LMF1: variants seen among roughly 807,000 people sequenced by gnomAD.
LMF1 encodes transmembrane protein 112.
In LMF1, 68 loss-of-function variants were observed where a neutral mutation model predicts 60.6. The observed-to-expected ratio is 1.12, with a 90% confidence interval of 0.92 to 1.37. The LOEUF (loss-of-function observed/expected upper bound fraction) is 1.37, where lower values mean the gene tolerates loss of function less well. Among genes scored for constraint, LMF1 ranks in the 40% most tolerant of loss-of-function variants. The pLI, the probability that LMF1 is intolerant of heterozygous loss-of-function variation, is 0.00. For synonymous variants in LMF1, 418 were observed against 324.7 expected, an observed-to-expected ratio of 1.29 and a Z score of -3.09; for missense variants, 948 against 767.2, an observed-to-expected ratio of 1.24 and a Z score of -2.78.
upstream of LMF1, among the ~76,000 whole-genome samples, chr16:975,010 C>G (rs551661122): frequency 1.3e-5 from 2 of 151,720 alleles, no homozygotes; most frequent in Non-Finnish European, 1.5e-5. Flanking sequence ...GACTGTCCAG[C>G]GGCCAACCCC....
At chr16:964,061 G>A (rs908747999) in intron 1 of LMF1, 2 of 455,374 alleles carry the variant, frequency 4.4e-6, no homozygotes, top group African/African-American at 4.0e-5. Context: ...GAGCTGCAAC[G>A]AGGAAATACC....
intron 2 of LMF1, chr16:947,495 C>T (rs1192052878): frequency 6.6e-6 from 3 of 456,096 alleles, no homozygotes; most frequent in South Asian, 4.6e-5. Flanking sequence ...CCCAGCGTCC[C>T]CTCCAGCCCT....
At chr16:964,919 A>G (rs1371289778) in intron 1 of LMF1, among the ~76,000 whole-genome samples, 2 of 152,202 alleles carry the variant, frequency 1.3e-5, no homozygotes, top group East Asian at 1.9e-4. Context: ...GAAAAGAAGG[A>G]AGGGCGGTGA....
At position 893,403 on chromosome 16, in the gene LMF1, C is replaced by G. The variant is rs1224673971; in HGVS notation, c.664-331G>C. On this transcript the variant is annotated intron_variant, in intron 4 of 10. Transcript: ENST00000262301. ...CGTGTCTTTAAAGAGGACAAATGCA[C>G]CACGCCCTGCACAGACCCCACGGAC... The G allele has an allele frequency of 1.7e-5, 8 of 476,668 alleles. No homozygotes were observed. The Admixed American group carries it at 1.9e-4, about 11-fold the overall frequency. 29.5% of individuals were successfully genotyped at this position (476,668 alleles called of 1,614,324 possible).
At chr16:926,125 T>C (rs2071590577) in intron 3 of LMF1, among the ~76,000 whole-genome samples, 2 of 151,988 alleles carry the variant, frequency 1.3e-5, no homozygotes, top group Non-Finnish European at 2.9e-5. Context: ...TCTGAATATG[T>C]CTGTGTGTGC....
intron 2 of LMF1, among the ~76,000 whole-genome samples, chr16:951,653 C>G (rs994143061): frequency 1.3e-5 from 2 of 152,222 alleles, no homozygotes; most frequent in African/African-American, 4.8e-5. Flanking sequence ...GTCCACGCTG[C>G]GACAAACCAC....
At position 861,719 on chromosome 16, in the gene LMF1, G is replaced by A. The variant is rs144424884; in HGVS notation, c.1530-7013C>T. ...TGGGATTTCCTACAAAGACAACGGC[G>A]TCATCTGTAAACAGGCAGTTTCGTT... is the stretch of plus-strand genomic sequence containing the variant. On this transcript the variant is annotated intron_variant, in intron 10 of 10. Transcript: ENST00000262301. 5.0e-3 allele frequency among the ~76,000 whole-genome samples: 754 copies of A among 152,288 alleles called. 4 individuals carry two copies. Among genetic ancestry groups the A allele is most frequent in the Non-Finnish European group, 8.9e-3 (606 of 68,018 alleles).
intron 5 of LMF1, among the ~76,000 whole-genome samples, chr16:890,769 A>C (rs1194357129): frequency 6.6e-6 from 1 of 152,146 alleles, no homozygotes; most frequent in Admixed American, 6.5e-5. Flanking sequence ...AACTAATCAC[A>C]AGGAGGTCCC....
chr16:879,271 G>A (rs761083540), intron 6 of LMF1, among the ~76,000 whole-genome samples: 23 of 152,188 alleles, frequency 1.5e-4, no homozygotes, highest in Non-Finnish European at 3.1e-4. Flanking sequence ...GGGCCTTGGC[G>A]TGCTGACCCC....
At position 874,392 on chromosome 16, in the gene LMF1, C is replaced by T. The variant is rs148693362; in HGVS notation, c.898-3051G>A. Among the ~76,000 whole-genome samples the T allele has an allele frequency of 2.5e-3, 380 of 152,252 alleles. No individual in the cohort carries two copies. The highest frequency in any genetic ancestry group is 4.0e-3 in the Non-Finnish European group (275 of 67,992). ...GGCCGGACAGCCCGCTGTGGGCAGG[C>T]GCCTCAGAGGTTCCAGACCTGAGCT... On this transcript the variant is annotated intron_variant, in intron 6 of 10. Transcript: ENST00000262301. This position sits in a 1 kb window ranked among gnomAD's most constrained non-coding sequence, Gnocchi z 4.1.
chr16:879,394 C>T (rs955681168), intron 6 of LMF1, among the ~76,000 whole-genome samples, 176 bp downstream of exon 6: 59 of 152,216 alleles, frequency 3.9e-4, no homozygotes, highest in African/African-American at 1.4e-3. Context: ...GCCTGCAGCC[C>T]GGGACAGGGC....
intron 3 of LMF1, among the ~76,000 whole-genome samples, chr16:925,049 G>A (rs1256648166): frequency 3.3e-5 from 5 of 152,162 alleles, no homozygotes; most frequent in East Asian, 1.9e-4. Flanking sequence ...TGCTGGGTGC[G>A]AGTCCCCAAA....
chr16:964,333 C>T (rs1177256551), intron 1 of LMF1, among the ~76,000 whole-genome samples: 8 of 147,832 alleles, frequency 5.4e-5, no homozygotes, highest in African/African-American at 1.7e-4. Context: ...AAAAAAAAAT[C>T]AGCTTTCTCT....
At chr16:972,459 C>T (rs1314993766), upstream of LMF1, among the ~76,000 whole-genome samples, 1 of 152,196 alleles carries the variant, frequency 6.6e-6, no homozygotes, top group Admixed American at 6.5e-5. Flanking sequence ...GAGCCCACGA[C>T]CCGTACCTCT....
chr16:905,660 GTTCC>G (rs1294857363), intron 4 of LMF1, among the ~76,000 whole-genome samples: 1 of 151,372 alleles, frequency 6.6e-6, no homozygotes, highest in East Asian at 1.9e-4. Flanking sequence ...CCAGATACAG[GTTCC>G]TTGTCAGGCA....
At chr16:899,508 G>C (rs1311689471) in intron 4 of LMF1, 2 of 152,232 alleles carry the variant, frequency 1.3e-5, no homozygotes, top group African/African-American at 4.8e-5. Flanking sequence ...CAGGACCAGG[G>C]CGGGCCTGTC....
intron 10 of LMF1, among the ~76,000 whole-genome samples, chr16:865,919 C>CA (rs1377064129): frequency 6.6e-5 from 10 of 152,192 alleles, no homozygotes. Flanking sequence ...CCTCACCATT[C>CA]AGATGTCGAG....
intron 10 of LMF1, among the ~76,000 whole-genome samples, chr16:858,957 G>A (rs1398933369): frequency 2.1e-5 from 2 of 94,146 alleles, no homozygotes; most frequent in Admixed American, 1.8e-4. Flanking sequence ...GTCACGGGAC[G>A]GGTGTGCAGT....
chr16:954,360 A>T lies in LMF1; in HGVS notation c.500T>A (p.Val167Asp). The T allele has an allele frequency of 6.2e-7, 1 of 1,611,602 alleles. No individual in the cohort carries two copies. Among genetic ancestry groups the T allele is most frequent in the Non-Finnish European group, 8.5e-7 (1 of 1,179,368 alleles). ...LYMSLVNVGH[V>D]WYSFGWESQL... ...CCGCCCCATTCCTGCTACTCACCAG[A>T]CATGGCCCACATTAACCAGGGACAT... Residue 167 changes from valine (V) to aspartate (D), a missense_variant, in exon 2 of 11, where the codon GTC becomes GAC. Transcript: ENST00000262301.
Sources: gnomAD v4.1 joint callset for allele counts (sites outside exome capture counted in the v4.1 genomes callset) on GRCh38, gnomAD v4.1.1 for gene constraint, Gnocchi (gnomAD v3.1) non-coding constraint, MANE v1.5 for transcripts, NCBI Gene and HGNC (gene_info 2026-07-23, HGNC 2026-07-21) for gene names.